The following WIF1 variants were observed in gnomAD, a reference collection of about 807,000 sequenced individuals.
WIF1 encodes Wnt inhibitory factor 1.
In WIF1, 35 loss-of-function variants were observed where a neutral mutation model predicts 53.5. The observed-to-expected ratio is 0.65, with a 90% CI of 0.50 to 0.87. The LOEUF is 0.87. WIF1 is among the 40% of genes least tolerant of loss of function. The pLI, the probability that WIF1 is intolerant of heterozygous loss-of-function variation, is 0.00. For synonymous variants in WIF1, 171 were observed against 170.4 expected, an observed-to-expected ratio of 1.00 and a Z score of -0.03; for missense variants, 467 against 476.8, an observed-to-expected ratio of 0.98 and a Z score of 0.19.
At chr12:65,099,551 G>T (rs1186512376) in intron 2 of WIF1, among the ~76,000 whole-genome samples, 1 of 152,168 alleles carries the variant, frequency 6.6e-6, no homozygotes, top group Admixed American at 6.6e-5. Context: ...AAATTTAGCA[G>T]AAGTTAGCAG....
chr12:65,117,439 G>T (rs1883529646), intron 2 of WIF1, among the ~76,000 whole-genome samples: 1 of 152,188 alleles, frequency 6.6e-6, no homozygotes, highest in Non-Finnish European at 1.5e-5. Flanking sequence ...AACACGAGAT[G>T]CATTTTAAGT....
At chr12:65,071,884 C>G (rs1882778986) in intron 3 of WIF1, among the ~76,000 whole-genome samples, 2 of 152,098 alleles carry the variant, frequency 1.3e-5, no homozygotes, top group African/African-American at 4.8e-5. Flanking sequence ...TGAGCCAGAT[C>G]AACAATTAAT....
intron 2 of WIF1, among the ~76,000 whole-genome samples, chr12:65,111,099 T>C (rs1883423481): frequency 6.6e-6 from 1 of 152,212 alleles, no homozygotes; most frequent in South Asian, 2.1e-4. Flanking sequence ...CTAACAGGGC[T>C]ACTGCCAAGT....
chr12:65,056,162 T>A (rs750143334), intron 7 of WIF1, 36 bp from the exon 8 acceptor site: 7 of 1,586,638 alleles, frequency 4.4e-6, no homozygotes, highest in Admixed American at 1.7e-5. Context: ...ACAAGGAACC[T>A]GGTGCTTCAT....
chr12:65,103,253 C>A (rs1883307463), intron 2 of WIF1, among the ~76,000 whole-genome samples: 1 of 152,172 alleles, frequency 6.6e-6, no homozygotes, highest in African/African-American at 2.4e-5. Context: ...TAAAGTTTCA[C>A]CAATGCATGA....
intron 2 of WIF1, among the ~76,000 whole-genome samples, chr12:65,112,653 C>A (rs1322505862): frequency 6.6e-6 from 1 of 152,198 alleles, no homozygotes; most frequent in Non-Finnish European, 1.5e-5. Flanking sequence ...TCTTCTACTT[C>A]TTTTCCCCCA....
At chr12:65,081,144 CATGTACCCTCCTTTCAGTTCCGT>C (rs1882943234) in intron 2 of WIF1, among the ~76,000 whole-genome samples, 1 of 151,784 alleles carries the variant, frequency 6.6e-6, no homozygotes, top group South Asian at 2.1e-4. Context: ...AAGCATTAAT[CATGTACCCTCCTTTCAGTTCCGT>C]GGCTGATGAT....
chr12:65,092,615 C>A (rs1174878182), intron 2 of WIF1, among the ~76,000 whole-genome samples: 1 of 151,762 alleles, frequency 6.6e-6, no homozygotes, highest in Admixed American at 6.6e-5. Flanking sequence ...AGTGAGAGAG[C>A]AAGCTATGCA....
At chr12:65,071,751 A>C (rs1363197984) in intron 3 of WIF1, among the ~76,000 whole-genome samples, 3 of 152,168 alleles carry the variant, frequency 2.0e-5, no homozygotes, top group Non-Finnish European at 4.4e-5. Context: ...GCATGTAAGC[A>C]CAGTTATGAC....
intron 2 of WIF1, among the ~76,000 whole-genome samples, chr12:65,119,689 A>G (rs554786485): frequency 3.9e-5 from 6 of 152,316 alleles, no homozygotes; most frequent in South Asian, 2.1e-4. Flanking sequence ...AAATTCTCCA[A>G]TTGTACAAAA....
At chr12:65,058,682 T>A (rs1882566146) in intron 7 of WIF1, among the ~76,000 whole-genome samples, 1 of 152,198 alleles carries the variant, frequency 6.6e-6, no homozygotes, top group African/African-American at 2.4e-5. Flanking sequence ...CTGAAAATAG[T>A]TTGCAACCAA....
rs1315587841 is a variant in WIF1, at chr12:65,106,338, CA to C, written c.288+14078del. 2.0e-5 allele frequency among the ~76,000 whole-genome samples: 3 copies of C among 151,332 alleles called. No individual in the cohort carries two copies. The East Asian group carries it at 5.8e-4, about 29-fold the overall frequency. Reference sequence around the variant, plus strand: ...TATGAAAACAACTTTCTATGATTAACAGAATCATATATATATATGATCATAT... The same window carrying C: ...TATGAAAACAACTTTCTATGATTAACGAATCATATATATATATGATCATAT... On this transcript the variant is annotated intron_variant, in intron 2 of 9. Coordinates refer to ENST00000286574, the MANE Select transcript of WIF1 (RefSeq NM_007191.5).
intron 3 of WIF1, among the ~76,000 whole-genome samples, chr12:65,076,965 A>T (rs1278276116): frequency 6.6e-6 from 1 of 152,136 alleles, no homozygotes; most frequent in Non-Finnish European, 1.5e-5. Flanking sequence ...CAGAGAAAAA[A>T]GATGAGAAGG....
Position 65,062,082 on chromosome 12 carries a change from A to C in WIF1, c.826+399T>G, listed in dbSNP as rs183321052. Among the ~76,000 whole-genome samples, 3 of 152,268 alleles carry C rather than the reference A, an allele frequency of 2.0e-5. No individual in the cohort carries two copies. The East Asian group carries it at 5.8e-4, about 29-fold the overall frequency. ...TTAGGCTCAGTCTAGGATATCTGGC[A>C]GTGAGCGGCAGGGGAAACAGGTACA... On this transcript the variant is annotated intron_variant, in intron 7 of 9. Coordinates refer to ENST00000286574, the MANE Select transcript of WIF1 (RefSeq NM_007191.5).
At chr12:65,079,164 CAAA>C (rs1226121849) in intron 2 of WIF1, among the ~76,000 whole-genome samples, 1 of 80,112 alleles carries the variant, frequency 1.2e-5, no homozygotes, top group African/African-American at 5.4e-5. Context: ...GACTCCATCT[CAAA>C]AAAAAAAAAA....
chr12:65,071,418 T>C (rs1268588608), intron 3 of WIF1, among the ~76,000 whole-genome samples: 1 of 152,050 alleles, frequency 6.6e-6, no homozygotes, highest in Non-Finnish European at 1.5e-5. Context: ...AGTTTTAAAA[T>C]AGAAAAACTG....
chr12:65,110,376 C>A (rs893317062), intron 2 of WIF1, among the ~76,000 whole-genome samples: 1 of 152,116 alleles, frequency 6.6e-6, no homozygotes, highest in African/African-American at 2.4e-5. Context: ...TCTCCCTGTG[C>A]CTTCCTCCCA....
At chr12:65,088,035 T>C (rs2136628032) in intron 2 of WIF1, among the ~76,000 whole-genome samples, 1 of 152,306 alleles carries the variant, frequency 6.6e-6, no homozygotes, top group Admixed American at 6.5e-5. Context: ...TTGTTACTCA[T>C]ACATGCATTA....
At chr12:65,058,239 C>A (rs1882558916) in intron 7 of WIF1, among the ~76,000 whole-genome samples, 1 of 152,104 alleles carries the variant, frequency 6.6e-6, no homozygotes, top group Non-Finnish European at 1.5e-5. Flanking sequence ...AAAATTGGGT[C>A]ATATCACAGT....
Sources: gnomAD v4.1 joint callset for allele counts (sites outside exome capture counted in the v4.1 genomes callset) on GRCh38, gnomAD v4.1.1 for gene constraint, MANE v1.5 for transcripts, NCBI Gene and HGNC (gene_info 2026-07-23, HGNC 2026-07-21) for gene names.